Variants in ST6GALNAC6 observed in about 807,000 individuals in gnomAD.
The protein encoded by ST6GALNAC6 is ST6 N-acetylgalactosaminide alpha-2,6-sialyltransferase 6.
ST6GALNAC6 carries 19 observed loss-of-function variants against 34.3 expected under a neutral mutation model. The observed-to-expected ratio is 0.55, with a 90% CI of 0.39 to 0.81. ST6GALNAC6 has a LOEUF of 0.81. Among genes scored for constraint, ST6GALNAC6 ranks in the 40% least tolerant of loss-of-function variants. The pLI is 0.00. For missense variants in ST6GALNAC6, 377 were observed against 467.7 expected (o/e 0.81, Z 1.79); for synonymous variants, 185 against 182.1 (o/e 1.02, Z -0.13).
At chr9:127,895,410 A>C (rs1384566556) in intron 3 of ST6GALNAC6, among the ~76,000 whole-genome samples, 1 of 152,174 alleles carries the variant, frequency 6.6e-6, no homozygotes, top group Admixed American at 6.5e-5. Flanking sequence ...AGCTTCTCCG[A>C]AGTCCAGCTC....
In ST6GALNAC6 at chr9:127,886,541, C is replaced by T. The variant is rs780084984; in HGVS notation, c.*58G>A. ...GGCCAGAAGATGGTCCCTGGCCTAGCGGCTGGGCGGAGGCTGCTTCTCCTC... is the reference window on the plus strand; with the variant it reads ...GGCCAGAAGATGGTCCCTGGCCTAGTGGCTGGGCGGAGGCTGCTTCTCCTC... On this transcript the variant is annotated 3_prime_UTR_variant, in exon 7 of 7. Transcript: ENST00000373146. The T allele has an allele frequency of 1.7e-5, 27 of 1,597,822 alleles. No individual in the cohort carries two copies. In the East Asian group the frequency reaches 2.5e-4, roughly 15 times the overall value.
upstream of ST6GALNAC6, chr9:127,905,959 T>C (rs1182307521): frequency 4.1e-6 from 4 of 985,320 alleles, no homozygotes; most frequent in African/African-American, 7.0e-5. Flanking sequence ...TGTTGAGAGC[T>C]CCTCGCTCCG....
At position 127,890,124 on chromosome 9, in the gene ST6GALNAC6, A is replaced by G. The variant is rs2131494136; in HGVS notation, c.704+513T>C. On this transcript the variant is annotated intron_variant, in intron 5 of 6. Coordinates refer to ENST00000373146, the MANE Select transcript of ST6GALNAC6 (RefSeq NM_013443.5). This position sits in a 1 kb window ranked among gnomAD's most constrained non-coding sequence, Gnocchi z 4.3. ...TCACTAATTTTAAAGTGCGATTACTATGAAAATAAATGACATATGTGGCTC... is the reference window on the plus strand; with the variant it reads ...TCACTAATTTTAAAGTGCGATTACTGTGAAAATAAATGACATATGTGGCTC... Among the ~76,000 whole-genome samples, 1 of 152,326 alleles carries G rather than the reference A, an allele frequency of 6.6e-6. No individual in the cohort carries two copies. Among genetic ancestry groups the G allele is most frequent in the Middle Eastern group, 3.4e-3 (1 of 294 alleles).
At chr9:127,888,822 C>T (rs1829956649) in intron 5 of ST6GALNAC6, among the ~76,000 whole-genome samples, 1 of 151,634 alleles carries the variant, frequency 6.6e-6, no homozygotes, top group African/African-American at 2.4e-5. Context: ...AACAAACAAA[C>T]AAACAAACAA....
At position 127,886,605 on chromosome 9, in the gene ST6GALNAC6, C is replaced by A; in HGVS notation, c.996G>T (p.Trp332Cys). 1 of 1,613,848 alleles carries A rather than the reference C, an allele frequency of 6.2e-7. No homozygotes were observed. The change falls in exon 7 of 7, where the codon TGG becomes TGT. Residue 332 changes from tryptophan (W) to cysteine (C), a missense_variant. Coordinates refer to ENST00000373146, the MANE Select transcript of ST6GALNAC6 (RefSeq NM_013443.5). Reference protein sequence around the residue: ...LYGITFSHPSWT With the variant: ...LYGITFSHPSCT The stretch of plus-strand genomic sequence containing the variant: ...GTCCCACAGGCTGGGTGGCCTAGGT[C>A]CAGGAGGGGTGGGAGAAGGTGATGC...
chr9:127,898,634 G>A (rs1830611668), intron 1 of ST6GALNAC6, among the ~76,000 whole-genome samples: 1 of 152,254 alleles, frequency 6.6e-6, no homozygotes, highest in Non-Finnish European at 1.5e-5. Flanking sequence ...GGCAATGCAT[G>A]GTAGGAGCTC....
At chr9:127,891,193 T>C in intron 4 of ST6GALNAC6, 150 bp from the exon 5 acceptor site, 1 of 1,042,032 alleles carries the variant, frequency 9.6e-7, no homozygotes, top group Non-Finnish European at 1.4e-6. Flanking sequence ...CACACATTGA[T>C]AGCAAGCTGG....
chr9:127,902,565 CATTATTATTATTATTATT>C (rs61633477), upstream of ST6GALNAC6, among the ~76,000 whole-genome samples: 3 of 147,070 alleles, frequency 2.0e-5, no homozygotes, highest in Non-Finnish European at 4.5e-5. Flanking sequence ...ATAATGGTCA[CATTATTATTATTATTATT>C]ATTATTATTA....
At position 127,890,819 on chromosome 9, in the gene ST6GALNAC6, C is replaced by A. The variant is rs1830089669; in HGVS notation, c.522G>T (p.Arg174=). ...AGAAGATGAACACGGTTTCAGGGGT[C>A]CGGTTGACAAACTCCTGGGGCCTCC... ...VLRRPQEFVN[R]TPETVFIFWG... is the part of the protein sequence containing the mutation. Residue 174 remains arginine (R), a synonymous_variant, in exon 5 of 7, where the codon CGG becomes CGT. Coordinates refer to ENST00000373146, the MANE Select transcript of ST6GALNAC6 (RefSeq NM_013443.5). The surrounding 1 kb of genome is among the most constrained non-coding windows in gnomAD (Gnocchi z 4.3). 1 of 1,613,862 alleles carries A rather than the reference C, an allele frequency of 6.2e-7. No homozygotes were observed. Among genetic ancestry groups the A allele is most frequent in the Non-Finnish European group, 8.5e-7 (1 of 1,179,762 alleles).
chr9:127,892,870 C>T (rs1464059233), intron 4 of ST6GALNAC6, among the ~76,000 whole-genome samples: 5 of 152,146 alleles, frequency 3.3e-5, no homozygotes, highest in Non-Finnish European at 5.9e-5. Flanking sequence ...TTCAACACCC[C>T]TATGATTTCA....
chr9:127,900,607 T>C (rs1324825488), upstream of ST6GALNAC6, among the ~76,000 whole-genome samples: 1 of 146,154 alleles, frequency 6.8e-6, no homozygotes, highest in Non-Finnish European at 1.5e-5. Flanking sequence ...GGTCAGTATG[T>C]CTTGGCAGGA....
chr9:127,897,391 C>A (rs1830532202), intron 2 of ST6GALNAC6: 5 of 986,290 alleles, frequency 5.1e-6, no homozygotes, highest in Admixed American at 6.1e-5. Context: ...TACTCCTACA[C>A]GGCCACCAGG....
In ST6GALNAC6 at chr9:127,896,281, T is replaced by C. The variant is rs530595055; in HGVS notation, c.78A>G (p.Leu26=). ...TTTCTCTCCGGCGTCTGCTGAGGGGTAGGTGTCGGCGTCCTGCAGGTGGCC... is the reference window on the plus strand; with the variant it reads ...TTTCTCTCCGGCGTCTGCTGAGGGGCAGGTGTCGGCGTCCTGCAGGTGGCC... ...PPGPPAGRRH[L]PLSRRRREMS... is the part of the protein sequence containing the mutation. Residue 26 remains leucine (L), a synonymous_variant, in exon 3 of 7, where the codon CTA becomes CTG. Transcript: ENST00000373146. The C allele has an allele frequency of 3.7e-6, 6 of 1,613,986 alleles. No individual in the cohort carries two copies. In the South Asian group the frequency reaches 6.6e-5, roughly 18 times the overall value.
upstream of ST6GALNAC6, chr9:127,905,578 A>T (rs1016877321): frequency 9.1e-6 from 3 of 330,484 alleles, no homozygotes; most frequent in African/African-American, 6.7e-5. Context: ...GACACCCAGG[A>T]TGAGGCAGGG....
intron 2 of ST6GALNAC6, chr9:127,897,253 C>T (rs1219538896): frequency 9.1e-6 from 9 of 985,768 alleles, no homozygotes; most frequent in African/African-American, 3.5e-5. Flanking sequence ...GCAGACAGGC[C>T]GGGGGCAGGG....
upstream of ST6GALNAC6, among the ~76,000 whole-genome samples, chr9:127,900,863 A>G (rs1317398142): frequency 1.3e-5 from 2 of 149,068 alleles, no homozygotes; most frequent in African/African-American, 5.0e-5. Flanking sequence ...GGGCACATGT[A>G]ATCCCAGCTA....
upstream of ST6GALNAC6, among the ~76,000 whole-genome samples, chr9:127,902,402 C>T (rs779002038): frequency 3.9e-5 from 6 of 152,030 alleles, no homozygotes; most frequent in South Asian, 4.1e-4. Flanking sequence ...CTAGGTGATC[C>T]GCCTGCCTCA....
Position 127,886,261 on chromosome 9 carries a change from G to T in ST6GALNAC6, c.*338C>A. ...CCAGGAGAGTGGGGAGTGATTGGGG[G>T]GTCCATTCCTGGGGCTCTGAACCAA... On this transcript the variant is annotated 3_prime_UTR_variant, in exon 7 of 7. Transcript: ENST00000373146. 2.2e-6 allele frequency: 1 copy of T among 463,316 alleles called. No homozygotes were observed. The allele number at this position is 463,316 out of a possible 1,614,324, so 28.7% of individuals were successfully genotyped here.
intron 1 of ST6GALNAC6, chr9:127,905,136 A>C: frequency 2.3e-6 from 2 of 863,372 alleles, no homozygotes; most frequent in Non-Finnish European, 2.8e-6. Context: ...ACAGGAAAAC[A>C]GAGGCCCAAA....
Sources: allele counts gnomAD v4.1 joint callset (sites outside exome capture counted in the v4.1 genomes callset), GRCh38; gene constraint gnomAD v4.1.1; non-coding constraint Gnocchi (gnomAD v3.1); transcripts MANE v1.5; gene names NCBI Gene and HGNC (gene_info 2026-07-23, HGNC 2026-07-21).